ITGA11: variants seen among roughly 807,000 people sequenced by gnomAD.
ITGA11 encodes integrin subunit alpha 11.
In ITGA11, 97 loss-of-function variants were observed where a neutral mutation model predicts 141.9. The ratio of observed to expected loss-of-function variants is 0.68; its 90% confidence interval spans 0.58 to 0.81. ITGA11 has a LOEUF of 0.81. Among genes scored for constraint, ITGA11 ranks in the 30% least tolerant of loss-of-function variants. The pLI, the probability that ITGA11 is intolerant of heterozygous loss-of-function variation, is 0.00. For synonymous variants in ITGA11, 658 were observed against 624.6 expected (o/e 1.05, Z -0.80); for missense variants, 1,387 against 1,559.2 (o/e 0.89, Z 1.86).
In ITGA11 at chr15:68,333,664, G is replaced by A. The variant is rs945399533; in HGVS notation, c.1426-1186C>T. Among the ~76,000 whole-genome samples, 4 of 152,212 alleles carry A rather than the reference G, an allele frequency of 2.6e-5. No individual in the cohort carries two copies. The highest frequency in any genetic ancestry group is 4.8e-5 in the African/African-American group (2 of 41,542). On this transcript the variant is annotated intron_variant, in intron 12 of 29. Coordinates refer to ENST00000315757, the MANE Select transcript of ITGA11 (RefSeq NM_001004439.2). The surrounding 1 kb of genome is among the most constrained non-coding windows in gnomAD (Gnocchi z 4.2). Reference sequence around the variant, plus strand: ...CCCCTGCTTCGTCCCTAGGTGAGGCGCCTTCTAAAGGGCCTTCCAGCCTCA... The same window carrying A: ...CCCCTGCTTCGTCCCTAGGTGAGGCACCTTCTAAAGGGCCTTCCAGCCTCA...
chr15:68,342,951 C>CCACTTCCAG (rs1894617029), intron 10 of ITGA11, among the ~76,000 whole-genome samples: 1 of 151,624 alleles, frequency 6.6e-6, no homozygotes, highest in East Asian at 1.9e-4. Context: ...CTTCTGAGTT[C>CCACTTCCAG]CACTTCCAGC....
At chr15:68,351,438 T>C (rs1456126166) in intron 7 of ITGA11, 36 bp from the exon 8 acceptor site, 3 of 1,608,700 alleles carry the variant, frequency 1.9e-6, no homozygotes, top group Non-Finnish European at 1.7e-6. Context: ...TCATGAAAGG[T>C]AAGTGGGATT....
intron 4 of ITGA11, among the ~76,000 whole-genome samples, 165 bp downstream of exon 4, chr15:68,364,542 C>T (rs1445764489): frequency 2.0e-5 from 3 of 152,296 alleles, no homozygotes; most frequent in South Asian, 2.1e-4. Context: ...AGGGAGCTGG[C>T]GGGGGAGCTG....
chr15:68,382,310 A>G lies in ITGA11; in HGVS notation c.165-13026T>C, dbSNP rs545819645. Reference sequence around the variant, plus strand: ...AATTGCAGAGAGGATCTGCTGTCACAGGGTGAGCCATCCCGGAGCTGGGCC... The same window carrying G: ...AATTGCAGAGAGGATCTGCTGTCACGGGGTGAGCCATCCCGGAGCTGGGCC... On this transcript the variant is annotated intron_variant, in intron 2 of 29. Coordinates refer to ENST00000315757, the MANE Select transcript of ITGA11 (RefSeq NM_001004439.2). 2.0e-5 allele frequency among the ~76,000 whole-genome samples: 3 copies of G among 152,358 alleles called. No individual in the cohort carries two copies. In the East Asian group the frequency reaches 5.8e-4, roughly 29 times the overall value.
chr15:68,411,193 G>A (rs1896763824), intron 1 of ITGA11, among the ~76,000 whole-genome samples: 2 of 152,234 alleles, frequency 1.3e-5, no homozygotes, highest in Non-Finnish European at 2.9e-5. Flanking sequence ...ACTGAGCAAT[G>A]TGAGGAGAAC....
At position 68,307,185 on chromosome 15, in the gene ITGA11, C is replaced by T. The variant is rs1025872414; in HGVS notation, c.3381+163G>A. On this transcript the variant is annotated intron_variant, in intron 28 of 29. Transcript: ENST00000315757. This position sits in a 1 kb window ranked among gnomAD's most constrained non-coding sequence, Gnocchi z 6.1. ...CCCTGAGGCTTTGTCTTGCTTTTTTCCCTCTTTTCAGCGGCTGCCCTAACA... is the reference window on the plus strand; with the variant it reads ...CCCTGAGGCTTTGTCTTGCTTTTTTTCCTCTTTTCAGCGGCTGCCCTAACA... Among the ~76,000 whole-genome samples, 3 of 152,216 alleles carry T rather than the reference C, an allele frequency of 2.0e-5. No homozygotes were observed. Among genetic ancestry groups the T allele is most frequent in the Non-Finnish European group, 4.4e-5 (3 of 68,042 alleles).
chr15:68,327,638 C>T (rs1334056596), intron 16 of ITGA11, among the ~76,000 whole-genome samples: 1 of 152,184 alleles, frequency 6.6e-6, no homozygotes, highest in Non-Finnish European at 1.5e-5. Context: ...GTGATGGACC[C>T]TCAGAAGGAA....
chr15:68,323,708 G>T (rs538646740), intron 18 of ITGA11, among the ~76,000 whole-genome samples: 6 of 152,282 alleles, frequency 3.9e-5, no homozygotes, highest in African/African-American at 1.4e-4. Context: ...CTATTTCCCT[G>T]CCTTGGTGAT....
chr15:68,394,979 G>A (rs1896197342), intron 2 of ITGA11, among the ~76,000 whole-genome samples: 1 of 152,186 alleles, frequency 6.6e-6, no homozygotes, highest in Admixed American at 6.5e-5. Context: ...CGATGCAGAA[G>A]ACGGGTGATT....
chr15:68,320,751 G>T (rs1415605466), intron 19 of ITGA11, among the ~76,000 whole-genome samples: 1 of 152,124 alleles, frequency 6.6e-6, no homozygotes, highest in Non-Finnish European at 1.5e-5. Context: ...CCTTATTTTA[G>T]CCTAGCTGGT....
intron 21 of ITGA11, among the ~76,000 whole-genome samples, chr15:68,316,017 GC>G (rs1353991698): frequency 6.6e-6 from 1 of 152,244 alleles, no homozygotes; most frequent in African/African-American, 2.4e-5. Flanking sequence ...TTAGCAAAAG[GC>G]AACCAGAAAG....
chr15:68,340,420 G>C (rs1036365891), intron 10 of ITGA11, among the ~76,000 whole-genome samples: 7 of 152,162 alleles, frequency 4.6e-5, no homozygotes, highest in African/African-American at 1.4e-4. Context: ...TTGTGCAAAG[G>C]CTCTGAGGCT....
chr15:68,364,795 C>T lies in ITGA11; in HGVS notation c.269G>A (p.Arg90Lys), dbSNP rs780906563. The change falls in exon 4 of 30, where the codon AGG becomes AAG. Residue 90 changes from arginine (R) to lysine (K), a missense_variant. Arg to Lys is a conservative substitution (Grantham distance 26). Coordinates refer to ENST00000315757, the MANE Select transcript of ITGA11 (RefSeq NM_001004439.2). Reference sequence around the variant, plus strand: ...CTCGGACACGTTGGACAGGGTGACCCTTCCTGGGGTTGGGGGAGAAGTTCA... The same window carrying T: ...CTCGGACACGTTGGACAGGGTGACCTTTCCTGGGGTTGGGGGAGAAGTTCA... ...HGNCTKLNLG[R>K]VTLSNVSERK... 1.2e-6 allele frequency: 2 copies of T among 1,613,712 alleles called. No individual in the cohort carries two copies. The highest frequency in any genetic ancestry group is 1.7e-4 in the Middle Eastern group (1 of 6,010).
chr15:68,328,948 C>T lies in ITGA11; in HGVS notation c.1902-686G>A, dbSNP rs555918460. ...AGGAAATACAAATTTACCCTTATACCGGCCTAAGTCAAATGTAATTAGGAA... is the reference window on the plus strand; with the variant it reads ...AGGAAATACAAATTTACCCTTATACTGGCCTAAGTCAAATGTAATTAGGAA... On this transcript the variant is annotated intron_variant, in intron 15 of 29. Transcript: ENST00000315757. The surrounding 1 kb of genome is among the most constrained non-coding windows in gnomAD (Gnocchi z 4.8). Among the ~76,000 whole-genome samples the T allele has an allele frequency of 3.5e-4, 53 of 152,268 alleles. No homozygotes were observed. The East Asian group carries it at 8.9e-3, about 25-fold the overall frequency.
chr15:68,376,968 C>G (rs1895745542), intron 2 of ITGA11, among the ~76,000 whole-genome samples: 1 of 152,188 alleles, frequency 6.6e-6, no homozygotes, highest in Admixed American at 6.5e-5. Flanking sequence ...GAAGGATCTG[C>G]TAAGGAAGCA....
At chr15:68,354,470 A>G (rs1478169919) in intron 7 of ITGA11, among the ~76,000 whole-genome samples, 1 of 152,174 alleles carries the variant, frequency 6.6e-6, no homozygotes, top group Non-Finnish European at 1.5e-5. Flanking sequence ...TTTAACTACA[A>G]CATCATCACT....
intron 4 of ITGA11, among the ~76,000 whole-genome samples, chr15:68,362,235 G>A (rs556493599): frequency 5.9e-5 from 9 of 152,184 alleles, no homozygotes; most frequent in Non-Finnish European, 1.2e-4. Context: ...AAACACTGAT[G>A]TCAGTCCCCA....
chr15:68,303,213 T>C lies in ITGA11; in HGVS notation c.3496-83A>G. 2 of 1,210,390 alleles carry C rather than the reference T, an allele frequency of 1.7e-6. No individual in the cohort carries two copies. The highest frequency in any genetic ancestry group is 2.3e-6 in the Non-Finnish European group (2 of 851,578). 75.0% of individuals were successfully genotyped at this position (1,210,390 alleles called of 1,614,324 possible). On this transcript the variant is annotated intron_variant, in intron 29 of 29. Transcript: ENST00000315757. The surrounding 1 kb of genome is among the most constrained non-coding windows in gnomAD (Gnocchi z 5.3). ...CAGCTTTCCCTCCACTACCTTTCCT[T>C]GGGATTCCTCCCTCAGGGCTTCCTT...
chr15:68,339,373 G>T, intron 11 of ITGA11, 127 bp downstream of exon 11: 1 of 1,058,168 alleles, frequency 9.5e-7, no homozygotes, highest in Non-Finnish European at 1.4e-6. Flanking sequence ...CTTCAGAGTT[G>T]GGTGCTTGAA....
Sources: gnomAD v4.1 joint callset for allele counts (sites outside exome capture counted in the v4.1 genomes callset) on GRCh38, gnomAD v4.1.1 for gene constraint, Gnocchi (gnomAD v3.1) non-coding constraint, MANE v1.5 for transcripts, NCBI Gene and HGNC (gene_info 2026-07-23, HGNC 2026-07-21) for gene names.